HSD17B11: variants seen among roughly 807,000 people sequenced by gnomAD.
The protein encoded by HSD17B11 is estradiol 17-beta-dehydrogenase 11.
Under a neutral mutation model 27.8 loss-of-function variants are expected in HSD17B11, and 22 were observed. The observed-to-expected ratio is 0.79, with a 90% CI of 0.56 to 1.13. The LOEUF (loss-of-function observed/expected upper bound fraction) is 1.13. Ranked by LOEUF, HSD17B11 falls within the 50% of genes most tolerant of loss-of-function variation. The probability of loss-of-function intolerance (pLI) is 0.00; values close to 1 mark genes in which losing one functional copy is unlikely to be tolerated. For missense variants in HSD17B11, 314 were observed against 351.1 expected (o/e 0.89, Z 0.84); for synonymous variants, 117 against 132.8 (o/e 0.88, Z 0.82).
intron 1 of HSD17B11, among the ~76,000 whole-genome samples, chr4:87,387,540 C>G (rs556007515): frequency 6.6e-6 from 1 of 152,168 alleles, no homozygotes; most frequent in South Asian, 2.1e-4. Flanking sequence ...AAATCCCCAC[C>G]CTGTCCTTTC....
At chr4:87,362,972 C>T (rs571994680) in intron 4 of HSD17B11, among the ~76,000 whole-genome samples, 2 of 152,180 alleles carry the variant, frequency 1.3e-5, no homozygotes, top group Admixed American at 1.3e-4. Flanking sequence ...GCCCAGAGAC[C>T]ACATGTTGAA....
chr4:87,378,642 C>A (rs1305261682), intron 2 of HSD17B11, among the ~76,000 whole-genome samples: 1 of 149,232 alleles, frequency 6.7e-6, no homozygotes, highest in Non-Finnish European at 1.5e-5. Flanking sequence ...TTTTTGGTAC[C>A]CATTAACCAT....
At chr4:87,364,298 CCT>C (rs1252823673) in intron 4 of HSD17B11, among the ~76,000 whole-genome samples, 4 of 151,272 alleles carry the variant, frequency 2.6e-5, no homozygotes, top group Non-Finnish European at 5.9e-5. Context: ...AAAAAAAACC[CCT>C]CTGTTTTCCT....
Position 87,369,588 on chromosome 4 carries a change from C to A in HSD17B11, c.557+3121G>T, listed in dbSNP as rs115042497. ...AGCTGGGACTACAAGCACGCACCAC[C>A]ACACTTAGCTAATTTAAAATATTTT... On this transcript the variant is annotated intron_variant, in intron 4 of 6. Transcript: ENST00000358290. Among the ~76,000 whole-genome samples, 1,108 of 152,170 alleles carry A rather than the reference C, an allele frequency of 7.3e-3. 14 individuals are homozygous for A. The highest frequency in any genetic ancestry group is 0.026 in the African/African-American group (1,063 of 41,520).
intron 4 of HSD17B11, among the ~76,000 whole-genome samples, chr4:87,361,827 T>C (rs957609146): frequency 2.6e-5 from 4 of 152,186 alleles, no homozygotes; most frequent in African/African-American, 9.7e-5. Context: ...CTTTCTTTCA[T>C]GAGATCCAAG....
intron 6 of HSD17B11, among the ~76,000 whole-genome samples, chr4:87,339,015 A>G (rs61693714): frequency 0.013 from 2,034 of 152,346 alleles, 53 homozygotes; most frequent in African/African-American, 0.046. Flanking sequence ...ACAAACTTTG[A>G]GTCTTTATGT....
intron 1 of HSD17B11, among the ~76,000 whole-genome samples, chr4:87,384,510 A>C (rs892152071): frequency 6.6e-6 from 1 of 152,158 alleles, no homozygotes; most frequent in Non-Finnish European, 1.5e-5. Flanking sequence ...AGTAGGAGAG[A>C]TATTGCTAAA....
chr4:87,383,293 T>C (rs1560771858), intron 1 of HSD17B11, among the ~76,000 whole-genome samples: 1 of 152,198 alleles, frequency 6.6e-6, no homozygotes, highest in Non-Finnish European at 1.5e-5. Context: ...GATTAAATTA[T>C]AGTGTCAGGT....
intron 2 of HSD17B11, among the ~76,000 whole-genome samples, chr4:87,378,843 T>TAAATATA (rs1560769022): frequency 3.4e-5 from 1 of 29,138 alleles, no homozygotes; most frequent in Non-Finnish European, 6.4e-5. Context: ...TATATATATA[T>TAAATATA]AAATATATAT....
chr4:87,355,639 C>A (rs540271956), intron 5 of HSD17B11, among the ~76,000 whole-genome samples: 1 of 152,256 alleles, frequency 6.6e-6, no homozygotes, highest in East Asian at 1.9e-4. Context: ...CATGGTGGCT[C>A]ATGCCTGTAA....
At chr4:87,358,237 A>G (rs1255697046) in intron 4 of HSD17B11, among the ~76,000 whole-genome samples, 1 of 152,110 alleles carries the variant, frequency 6.6e-6, no homozygotes, top group East Asian at 1.9e-4. Context: ...CTGGCATTAC[A>G]GGCGTGAGCC....
chr4:87,356,730 A>C (rs1317495376), intron 5 of HSD17B11, among the ~76,000 whole-genome samples: 1 of 152,244 alleles, frequency 6.6e-6, no homozygotes, highest in East Asian at 1.9e-4. Flanking sequence ...TCTTCAAATT[A>C]ATCCTTTATA....
chr4:87,357,876 T>G (rs893789341), intron 4 of HSD17B11, among the ~76,000 whole-genome samples: 6 of 151,274 alleles, frequency 4.0e-5, no homozygotes, highest in African/African-American at 1.5e-4. Context: ...AATTATTTTC[T>G]CATTATATAG....
chr4:87,372,603 C>A (rs1408336266), intron 4 of HSD17B11, 106 bp downstream of exon 4: 7 of 690,512 alleles, frequency 1.0e-5, no homozygotes, highest in African/African-American at 1.8e-5. Context: ...AACTGGAAAA[C>A]TTCAAGTCTC....
chr4:87,390,035 C>T (rs1437435646), intron 1 of HSD17B11, among the ~76,000 whole-genome samples: 3 of 152,194 alleles, frequency 2.0e-5, no homozygotes, highest in African/African-American at 4.8e-5. Context: ...TTACAGCTCA[C>T]TGCAGTCTCC....
At chr4:87,347,116 C>CTTT (rs70957224) in intron 5 of HSD17B11, among the ~76,000 whole-genome samples, 602 of 44,180 alleles carry the variant, frequency 0.014, no homozygotes, top group Middle Eastern at 0.028. Context: ...TTTTTTTTTT[C>CTTT]TTTTTTTTTT....
At chr4:87,340,704 A>G (rs1356511396) in intron 5 of HSD17B11, 98 bp from the exon 6 acceptor site, 3 of 723,770 alleles carry the variant, frequency 4.1e-6, no homozygotes, top group Non-Finnish European at 7.1e-6. Context: ...CAGACACCAT[A>G]ACATAACTGA....
At chr4:87,390,811 C>A in intron 1 of HSD17B11, 50 bp downstream of exon 1, 1 of 1,530,640 alleles carries the variant, frequency 6.5e-7, no homozygotes, top group Non-Finnish European at 9.1e-7. Context: ...AATGCAGACA[C>A]ATCCACAAAT....
chr4:87,362,296 CG>C (rs1735531630), intron 4 of HSD17B11, among the ~76,000 whole-genome samples: 1 of 152,184 alleles, frequency 6.6e-6, no homozygotes, highest in Non-Finnish European at 1.5e-5. Context: ...GAGGCCAAGG[CG>C]GGTGGATCAC....
Sources: allele counts gnomAD v4.1 joint callset (sites outside exome capture counted in the v4.1 genomes callset), GRCh38; gene constraint gnomAD v4.1.1; transcripts MANE v1.5; gene names NCBI Gene and HGNC (gene_info 2026-07-23, HGNC 2026-07-21).